MEF2C: variants seen among roughly 807,000 people sequenced by gnomAD.
MEF2C encodes myocyte enhancer factor 2C, also known as myocyte-specific enhancer factor 2C.
A neutral mutation model predicts 50.5 loss-of-function variants in MEF2C; 6 were observed. The ratio of observed to expected loss-of-function variants is 0.12; its 90% confidence interval spans 0.07 to 0.23. MEF2C has a LOEUF of 0.23. MEF2C is among the 10% of genes least tolerant of loss of function. The pLI is 1.00. For synonymous variants in MEF2C, 183 were observed against 228.0 expected, an observed-to-expected ratio of 0.80 and a Z score of 1.78; for missense variants, 276 against 605.0, an observed-to-expected ratio of 0.46 and a Z score of 5.70.
At chr5:88,872,377 ATATAT>A (rs1282878530) in intron 1 of MEF2C, among the ~76,000 whole-genome samples, 14 of 152,130 alleles carry the variant, frequency 9.2e-5, no homozygotes, top group African/African-American at 3.4e-4. Context: ...TCTAAAAATA[ATATAT>A]TTATTTAATA....
At chr5:88,822,718 T>G (rs1808976856) in intron 2 of MEF2C, among the ~76,000 whole-genome samples, 1 of 151,978 alleles carries the variant, frequency 6.6e-6, no homozygotes, top group African/African-American at 2.4e-5. Context: ...ATAGAGGACA[T>G]GAGTGTCTAC....
intron 1 of MEF2C, among the ~76,000 whole-genome samples, chr5:88,856,443 C>T (rs1314848394): frequency 6.6e-6 from 1 of 152,110 alleles, no homozygotes; most frequent in Non-Finnish European, 1.5e-5. Context: ...AAGCCAGCTG[C>T]AGAAATTTGC....
chr5:88,869,252 CATATATATATAT>C (rs369495366), intron 1 of MEF2C, among the ~76,000 whole-genome samples: 3 of 89,996 alleles, frequency 3.3e-5, no homozygotes, highest in African/African-American at 1.3e-4. Flanking sequence ...AACTAGTTTT[CATATATATATAT>C]ATATATATAT....
In MEF2C at chr5:88,722,183, A is replaced by G. The variant is rs1756559718; in HGVS notation, c.*421T>C. The G allele has an allele frequency of 6.0e-6, 1 of 167,546 alleles. No individual in the cohort carries two copies. The highest frequency in any genetic ancestry group is 1.3e-5 in the Non-Finnish European group (1 of 76,372). The allele number at this position is 167,546 out of a possible 1,614,324, so 10.4% of individuals were successfully genotyped here. ...CATTACCGGGTCTGTCCAAGCATCT[A>G]TACATTTTTCTATATGTTGCATAAC... On this transcript the variant is annotated 3_prime_UTR_variant, in exon 11 of 11. Coordinates refer to ENST00000504921, the MANE Select transcript of MEF2C (RefSeq NM_002397.5).
chr5:88,833,598 T>A (rs1813881780), intron 1 of MEF2C, among the ~76,000 whole-genome samples: 2 of 152,032 alleles, frequency 1.3e-5, no homozygotes, highest in Non-Finnish European at 2.9e-5. Context: ...TTGAACCTCA[T>A]CAAAGTAAGA....
At chr5:88,772,961 A>G (rs1194976798) in intron 3 of MEF2C, 2 of 936,808 alleles carry the variant, frequency 2.1e-6, no homozygotes, top group East Asian at 2.3e-4. Context: ...ACAACTGTTA[A>G]CACATACTGC....
chr5:88,738,805 T>C, intron 6 of MEF2C: 1 of 985,334 alleles, frequency 1.0e-6, no homozygotes, highest in Non-Finnish European at 1.2e-6. Flanking sequence ...TAGTTCTGGT[T>C]CAGAAGACAC....
Position 88,879,746 on chromosome 5 carries a change from C to G in MEF2C, c.-143+3209G>C, listed in dbSNP as rs527449390. ...AAAGGACATGTTTTCTCTTACTTCA[C>G]TACTGAAAGCCTGTCATTTGAAAAC... On this transcript the variant is annotated intron_variant, in intron 1 of 10. Coordinates refer to ENST00000504921, the MANE Select transcript of MEF2C (RefSeq NM_002397.5). 3.9e-5 allele frequency among the ~76,000 whole-genome samples: 6 copies of G among 152,240 alleles called. No homozygotes were observed. The East Asian group carries it at 1.2e-3, about 29-fold the overall frequency.
chr5:88,856,385 T>C (rs4373304), intron 1 of MEF2C, among the ~76,000 whole-genome samples: 63,277 of 152,046 alleles, frequency 0.42, 13,780 homozygotes, highest in East Asian at 0.48. Flanking sequence ...AAATTTGCAG[T>C]CTGACAATGA....
chr5:88,831,921 A>G (rs756386993), intron 1 of MEF2C, among the ~76,000 whole-genome samples: 9 of 152,100 alleles, frequency 5.9e-5, no homozygotes, highest in Non-Finnish European at 1.0e-4. Flanking sequence ...TCATTAAATG[A>G]TCCCAACTGG....
At position 88,788,367 on chromosome 5, in the gene MEF2C, A is replaced by AT. The variant is rs1159271041; in HGVS notation, c.258+16230dup. Among the ~76,000 whole-genome samples the AT allele has an allele frequency of 7.1e-3, 1,017 of 142,738 alleles. 7 individuals are homozygous for AT. The highest frequency in any genetic ancestry group is 0.02 in the East Asian group (100 of 4,960). 93.6% of individuals were successfully genotyped at this position (142,738 alleles called of 152,430 possible). ...AAGCGTGTGCCATCACGCCTGGCTA[A>AT]TTTTTTTTTTTTTTGTATTTTTAGT... On this transcript the variant is annotated intron_variant, in intron 3 of 10. Transcript: ENST00000504921.
intron 2 of MEF2C, among the ~76,000 whole-genome samples, chr5:88,814,339 G>A (rs1804308120): frequency 6.6e-6 from 1 of 151,890 alleles, no homozygotes; most frequent in Admixed American, 6.6e-5. Context: ...TTCTAGACAA[G>A]CGTTCCTTTA....
At position 88,719,731 on chromosome 5, in the gene MEF2C, T is replaced by C. The variant is rs542160663; in HGVS notation, c.*2873A>G. 2 of 152,202 alleles carry C rather than the reference T, an allele frequency of 1.3e-5. No individual in the cohort carries two copies. The highest frequency in any genetic ancestry group is 4.1e-4 in the South Asian group (2 of 4,832). The allele number at this position is 152,202 out of a possible 1,614,324, so 9.4% of individuals were successfully genotyped here. A position where few individuals can be genotyped will look rare whatever the true frequency, so the allele number is the denominator to read the frequency against. ...GTTTACAGAAAGTGACTCATCAAAATCAAAATTGTGCTTCTTCTCATTAAA... is the reference window on the plus strand; with the variant it reads ...GTTTACAGAAAGTGACTCATCAAAACCAAAATTGTGCTTCTTCTCATTAAA... On this transcript the variant is annotated 3_prime_UTR_variant, in exon 11 of 11. Transcript: ENST00000504921.
In MEF2C at chr5:88,721,018, C is replaced by T. The variant is rs1756162105; in HGVS notation, c.*1586G>A. 6.6e-6 allele frequency: 1 copy of T among 152,602 alleles called. No individual in the cohort carries two copies. The highest frequency in any genetic ancestry group is 2.1e-4 in the South Asian group (1 of 4,830). 9.5% of individuals were successfully genotyped at this position (152,602 alleles called of 1,614,324 possible). ...GGATGACAAAGCAACTATCCCTTTACCTGCTTCCTTCTTGTCTAGCACCCA... is the reference window on the plus strand; with the variant it reads ...GGATGACAAAGCAACTATCCCTTTATCTGCTTCCTTCTTGTCTAGCACCCA... On this transcript the variant is annotated 3_prime_UTR_variant, in exon 11 of 11. Coordinates refer to ENST00000504921, the MANE Select transcript of MEF2C (RefSeq NM_002397.5).
chr5:88,832,109 C>T lies in MEF2C; in HGVS notation c.-142-8179G>A, dbSNP rs141041379. ...AGACACAGTGTGTCAATTGACTGCA[C>T]ACCAAAGTATCACATAGGACTTCTG... On this transcript the variant is annotated intron_variant, in intron 1 of 10. Transcript: ENST00000504921. 6.0e-4 allele frequency among the ~76,000 whole-genome samples: 92 copies of T among 152,250 alleles called. 1 individual carries two copies. In the East Asian group the frequency reaches 0.016, roughly 26 times the overall value.
intron 1 of MEF2C, among the ~76,000 whole-genome samples, chr5:88,897,743 T>C (rs1294088744): frequency 6.6e-6 from 1 of 152,200 alleles, no homozygotes; most frequent in Non-Finnish European, 1.5e-5. Flanking sequence ...AGGTAAAGTC[T>C]ATACTTGTGT....
chr5:88,893,398 C>T (rs955867986), intron 1 of MEF2C, among the ~76,000 whole-genome samples: 1 of 151,404 alleles, frequency 6.6e-6, no homozygotes, highest in African/African-American at 2.4e-5. Context: ...GCAACCTCTG[C>T]CTCCCATAGA....
chr5:88,743,566 C>G (rs1767900208), intron 6 of MEF2C: 1 of 979,190 alleles, frequency 1.0e-6, no homozygotes, highest in Non-Finnish European at 1.2e-6. Context: ...ATTATATTAT[C>G]ATAAAACATT....
chr5:88,824,123 T>C (rs1809782093), intron 1 of MEF2C, 193 bp from the exon 2 acceptor site: 1 of 895,384 alleles, frequency 1.1e-6, no homozygotes, highest in Admixed American at 5.8e-5. Context: ...TTTTTAACAA[T>C]TAAAATGATC....
Sources: allele counts gnomAD v4.1 joint callset (sites outside exome capture counted in the v4.1 genomes callset), GRCh38; gene constraint gnomAD v4.1.1; transcripts MANE v1.5; gene names NCBI Gene and HGNC (gene_info 2026-07-23, HGNC 2026-07-21).